The following SERINC2 variants were observed in gnomAD, a reference collection of about 807,000 sequenced individuals.
SERINC2 encodes the protein serine incorporator 2.
In SERINC2, 56 loss-of-function variants were observed where a neutral mutation model predicts 54.2. The observed-to-expected ratio is 1.03, with a 90% CI of 0.83 to 1.29. SERINC2 has a LOEUF of 1.29. Among genes scored for constraint, SERINC2 ranks in the 50% most tolerant of loss-of-function variants. The pLI is 0.00. For synonymous variants in SERINC2, 272 were observed against 253.1 expected (o/e 1.07, Z -0.71); for missense variants, 614 against 607.4 (o/e 1.01, Z -0.12).
chr1:31,432,044 TGGACAGGGTGGACAGGGTGGAC>T, intron 8 of SERINC2, among the ~76,000 whole-genome samples: 1 of 130,874 alleles, frequency 7.6e-6, no homozygotes, highest in African/African-American at 3.2e-5. Context: ...GTGGACAGGG[TGGACAGGGTGGACAGGGTGGAC>T]AGGGTGGACA....
At position 31,425,251 on chromosome 1, in the gene SERINC2, C is replaced by T. The variant is rs1641007277; in HGVS notation, c.393-79C>T. 3 of 1,091,524 alleles carry T rather than the reference C, an allele frequency of 2.7e-6. No individual in the cohort carries two copies. The South Asian group carries it at 3.7e-5, about 14-fold the overall frequency. The allele number at this position is 1,091,524 out of a possible 1,614,324, so 67.6% of individuals were successfully genotyped here. A position where few individuals can be genotyped will look rare whatever the true frequency, so the allele number is the denominator to read the frequency against. ...CACCTGCTGTTTGTGGGTGGGGGCTCTGGGGCCAGGCCCAGTCTGGCTTCC... is the reference window on the plus strand; with the variant it reads ...CACCTGCTGTTTGTGGGTGGGGGCTTTGGGGCCAGGCCCAGTCTGGCTTCC... On this transcript the variant is annotated intron_variant, in intron 3 of 9. Coordinates refer to ENST00000373709, the MANE Select transcript of SERINC2 (RefSeq NM_178865.5).
At chr1:31,418,416 A>T (rs1348757337) in intron 1 of SERINC2, among the ~76,000 whole-genome samples, 2 of 151,442 alleles carry the variant, frequency 1.3e-5, no homozygotes, top group Admixed American at 1.3e-4. Flanking sequence ...ATGCTCTGTC[A>T]CCCAGGCTGG....
chr1:31,426,263 T>A, intron 5 of SERINC2, among the ~76,000 whole-genome samples: 1 of 151,896 alleles, frequency 6.6e-6, no homozygotes. Flanking sequence ...GCAGGGTGAG[T>A]CCCTGGTCCT....
intron 1 of SERINC2, among the ~76,000 whole-genome samples, chr1:31,418,203 G>C (rs1287798585): frequency 6.6e-6 from 1 of 152,056 alleles, no homozygotes; most frequent in Non-Finnish European, 1.5e-5. Context: ...TATGGATATG[G>C]ATATACCACA....
In SERINC2 at chr1:31,428,534, C is replaced by T. The variant is rs2297886; in HGVS notation, c.781-444C>T. 5.6e-3 allele frequency among the ~76,000 whole-genome samples: 854 copies of T among 152,214 alleles called. 64 individuals are homozygous for T. In the East Asian group the frequency reaches 0.14, roughly 25 times the overall value. ...GCAGGGCTGCCGTAGTTCAGGTTCC[C>T]AGGGCTCCGCAGGAGTCCTGTCTGA... is the stretch of plus-strand genomic sequence containing the variant. On this transcript the variant is annotated intron_variant, in intron 6 of 9. Coordinates refer to ENST00000373709, the MANE Select transcript of SERINC2 (RefSeq NM_178865.5).
At chr1:31,432,372 T>TA (rs1641328075) in intron 8 of SERINC2, among the ~76,000 whole-genome samples, 1 of 152,084 alleles carries the variant, frequency 6.6e-6, no homozygotes, top group Non-Finnish European at 1.5e-5. Flanking sequence ...CAAATTCTGT[T>TA]AAAAACATCA....
chr1:31,410,193 C>T, upstream of SERINC2: 1 of 1,439,472 alleles, frequency 6.9e-7, no homozygotes. Flanking sequence ...TAGCTGCTGA[C>T]TGTGACTGTG....
At position 31,428,962 on chromosome 1, in the gene SERINC2, G is replaced by C. The variant is rs1553133990; in HGVS notation, c.781-16G>C. ...CTCTGGTCTGGCAGGGGTCTTACCA[G>C]GGGTCCTCTTGCCAGGACGCCCAGC... On this transcript the variant is annotated splice_polypyrimidine_tract_variant and intron_variant, in intron 6 of 9. Transcript: ENST00000373709. 3.1e-6 allele frequency: 5 copies of C among 1,611,396 alleles called. No homozygotes were observed. The highest frequency in any genetic ancestry group is 1.7e-4 in the Middle Eastern group (1 of 6,054).
intron 8 of SERINC2, among the ~76,000 whole-genome samples, chr1:31,432,534 A>T (rs1641336959): frequency 6.6e-6 from 1 of 152,072 alleles, no homozygotes; most frequent in South Asian, 2.1e-4. Context: ...TTAATTATTA[A>T]CATTCTTAAT....
Position 31,429,041 on chromosome 1 carries a change from AC to A in SERINC2, c.846del (p.Trp283GlyfsTer65). ...SVITLYTMFV[T>X]WSALSSIPEQ... ...CATCACCCTCTACACCATGTTTGTCACCTGGTCAGCCCTATCCAGTATCCCT... is the reference window on the plus strand; with the variant it reads ...CATCACCCTCTACACCATGTTTGTCACTGGTCAGCCCTATCCAGTATCCCT... On this transcript the variant is annotated frameshift_variant, in exon 7 of 10. Transcript: ENST00000373709. LOFTEE classifies it high-confidence loss of function. 6.2e-7 allele frequency: 1 copy of A among 1,613,786 alleles called. No homozygotes were observed. The highest frequency in any genetic ancestry group is 8.5e-7 in the Non-Finnish European group (1 of 1,179,906).
chr1:31,426,043 A>G, intron 5 of SERINC2, 130 bp downstream of exon 5: 1 of 969,238 alleles, frequency 1.0e-6, no homozygotes, highest in Non-Finnish European at 1.5e-6. Context: ...CCTTAGGTCA[A>G]GATTCCAATT....
At chr1:31,414,864 T>G in intron 1 of SERINC2, 2 of 753,566 alleles carry the variant, frequency 2.7e-6, no homozygotes, top group African/African-American at 1.9e-5. Context: ...TCACCCCATC[T>G]GGCAGTTGAC....
At position 31,429,048 on chromosome 1, in the gene SERINC2, C is replaced by G; in HGVS notation, c.851C>G (p.Ser284Ter). ...CTCTACACCATGTTTGTCACCTGGT[C>G]AGCCCTATCCAGTATCCCTGGTAAG... is the stretch of plus-strand genomic sequence containing the variant. ...ITLYTMFVTW[S>*]ALSSIPEQKC... The change falls in exon 7 of 10, where the codon TCA (serine) becomes TGA (stop). Residue 284 changes from serine (S) to a stop codon, truncating the protein, a stop_gained. Coordinates refer to ENST00000373709, the MANE Select transcript of SERINC2 (RefSeq NM_178865.5). LOFTEE classifies it high-confidence loss of function. 6.2e-7 allele frequency: 1 copy of G among 1,613,800 alleles called. No homozygotes were observed. Among genetic ancestry groups the G allele is most frequent in the Non-Finnish European group, 8.5e-7 (1 of 1,179,752 alleles).
At chr1:31,419,077 G>C (rs946448885) in intron 1 of SERINC2, among the ~76,000 whole-genome samples, 3 of 152,236 alleles carry the variant, frequency 2.0e-5, no homozygotes, top group Non-Finnish European at 4.4e-5. Flanking sequence ...GCCACTGTAA[G>C]TGTTCTGGGG....
At chr1:31,423,939 C>A in intron 2 of SERINC2, 85 bp downstream of exon 2, 1 of 1,331,346 alleles carries the variant, frequency 7.5e-7, no homozygotes. Context: ...GGGGTCACAG[C>A]TTATCCAGAA....
chr1:31,432,928 A>G (rs782659373), intron 8 of SERINC2, 39 bp from the exon 9 acceptor site: 2 of 1,503,490 alleles, frequency 1.3e-6, no homozygotes, highest in African/African-American at 1.4e-5. Flanking sequence ...GAGCAACGCC[A>G]GAGCTATCTA....
chr1:31,419,591 G>A (rs1553132582), intron 1 of SERINC2, among the ~76,000 whole-genome samples: 1 of 152,188 alleles, frequency 6.6e-6, no homozygotes, highest in Non-Finnish European at 1.5e-5. Flanking sequence ...ACTTTGGGAG[G>A]CCAAGGTGGG....
intron 4 of SERINC2, 84 bp from the exon 5 acceptor site, chr1:31,425,692 T>C: frequency 6.7e-7 from 1 of 1,498,418 alleles, no homozygotes; most frequent in South Asian, 1.2e-5. Flanking sequence ...GTGTCCCCGG[T>C]GCAGGGTGTA....
intron 4 of SERINC2, 145 bp from the exon 5 acceptor site, chr1:31,425,631 C>G: frequency 9.1e-7 from 1 of 1,095,694 alleles, no homozygotes; most frequent in Non-Finnish European, 1.3e-6. Context: ...CATATCCTGC[C>G]CTCTGTGCGT....
Sources: allele counts gnomAD v4.1 joint callset (sites outside exome capture counted in the v4.1 genomes callset), GRCh38; gene constraint gnomAD v4.1.1; transcripts MANE v1.5; gene names NCBI Gene and HGNC (gene_info 2026-07-23, HGNC 2026-07-21).